Variants in SUMF1 observed in about 807,000 individuals in gnomAD.
SUMF1 encodes sulfatase modifying factor 1.
Under a neutral mutation model 47.6 loss-of-function variants are expected in SUMF1, and 48 were observed. That is an observed-to-expected ratio of 1.01 (90% CI 0.80 to 1.28). The LOEUF (loss-of-function observed/expected upper bound fraction) is 1.28, where lower values mean the gene tolerates loss of function less well. SUMF1 is among the 50% of genes most tolerant of loss of function. The probability of loss-of-function intolerance (pLI) is 0.00; values close to 1 mark genes in which losing one functional copy is unlikely to be tolerated. For missense variants in SUMF1, 571 were observed against 485.4 expected (o/e 1.18, Z -1.66); for synonymous variants, 230 against 192.1 (o/e 1.20, Z -1.63).
chr3:4,066,348 G>T (rs1199090821), intron 9 of SUMF1, among the ~76,000 whole-genome samples: 19 of 152,044 alleles, frequency 1.2e-4, no homozygotes. Flanking sequence ...AAAAAGTGAG[G>T]AGATAACTAG....
chr3:4,455,316 GA>G (rs1363303662), intron 1 of SUMF1, among the ~76,000 whole-genome samples: 3 of 152,040 alleles, frequency 2.0e-5, no homozygotes, highest in East Asian at 3.9e-4. Context: ...TGATAACCTT[GA>G]AAAAAATGAA....
intron 8 of SUMF1, among the ~76,000 whole-genome samples, chr3:4,368,479 A>T (rs1700057061): frequency 2.0e-5 from 3 of 152,106 alleles, no homozygotes; most frequent in African/African-American, 7.2e-5. Context: ...CAGCCATCCC[A>T]TTACTGGGTA....
chr3:4,289,607 C>G (rs115440513), intron 8 of SUMF1, among the ~76,000 whole-genome samples: 1 of 152,056 alleles, frequency 6.6e-6, no homozygotes, highest in African/African-American at 2.4e-5. Flanking sequence ...TACAAGGAAC[C>G]CCCTCCATAC....
At chr3:4,070,515 C>T (rs553364315) in intron 8 of SUMF1, among the ~76,000 whole-genome samples, 37 of 152,308 alleles carry the variant, frequency 2.4e-4, no homozygotes, top group African/African-American at 8.9e-4. Flanking sequence ...CAATGAAATT[C>T]ATCATATCCT....
intron 8 of SUMF1, among the ~76,000 whole-genome samples, chr3:4,151,480 T>C (rs375338756): frequency 1.3e-4 from 19 of 143,992 alleles, no homozygotes; most frequent in South Asian, 6.4e-4. Flanking sequence ...TATATGTATA[T>C]ATGTGTATAT....
chr3:4,437,907 C>G (rs1338295828), intron 3 of SUMF1, among the ~76,000 whole-genome samples: 1 of 151,870 alleles, frequency 6.6e-6, no homozygotes. Flanking sequence ...CCACTGCGCT[C>G]CAGCCTGGGC....
intron 9 of SUMF1, among the ~76,000 whole-genome samples, chr3:4,042,816 G>T (rs955932577): frequency 1.3e-5 from 2 of 151,900 alleles, no homozygotes; most frequent in South Asian, 4.1e-4. Context: ...GATGGGTTGC[G>T]GGGGAGAAAC....
chr3:4,336,515 G>A (rs1381462464), intron 8 of SUMF1, among the ~76,000 whole-genome samples: 1 of 152,142 alleles, frequency 6.6e-6, no homozygotes, highest in African/African-American at 2.4e-5. Context: ...AAAAAGTATT[G>A]GTGGCTTGAT....
At chr3:4,152,702 C>G (rs982669400) in intron 8 of SUMF1, among the ~76,000 whole-genome samples, 1 of 151,528 alleles carries the variant, frequency 6.6e-6, no homozygotes, top group Non-Finnish European at 1.5e-5. Flanking sequence ...ACTGTCTACA[C>G]TTGGCTAGAC....
In SUMF1 at chr3:4,253,691, G is replaced by A. The variant is rs866261854; in HGVS notation, c.1014+122639C>T. Among the ~76,000 whole-genome samples the A allele has an allele frequency of 1.1e-3, 173 of 150,674 alleles. 1 individual carries two copies. In the South Asian group the frequency reaches 0.015, roughly 13 times the overall value. On this transcript the variant is annotated intron_variant and NMD_transcript_variant, in intron 8 of 12. Transcript: ENST00000448413. Reference sequence around the variant, plus strand: ...GCGGCAGCGAGGCTGGGGGAGGGGCGCCCGCCATTGGCCAGGCTTGATTAG... The same window carrying A: ...GCGGCAGCGAGGCTGGGGGAGGGGCACCCGCCATTGGCCAGGCTTGATTAG...
At chr3:4,466,498 G>C (rs1279460799) in intron 1 of SUMF1, among the ~76,000 whole-genome samples, 1 of 152,146 alleles carries the variant, frequency 6.6e-6, no homozygotes. Flanking sequence ...ACTACAGTTT[G>C]CTTAGCCCTT....
chr3:4,064,086 G>A (rs963354864), intron 9 of SUMF1, among the ~76,000 whole-genome samples: 12 of 152,036 alleles, frequency 7.9e-5, no homozygotes, highest in Non-Finnish European at 1.5e-4. Flanking sequence ...TCTTGAATAG[G>A]AGCTGGGTAA....
intron 8 of SUMF1, among the ~76,000 whole-genome samples, chr3:4,166,054 G>A (rs1321027307): frequency 1.3e-5 from 2 of 152,070 alleles, no homozygotes; most frequent in East Asian, 3.9e-4. Context: ...AGACCACAAA[G>A]AGGACCAATG....
intron 7 of SUMF1, among the ~76,000 whole-genome samples, chr3:4,391,994 A>C (rs1253407641): frequency 6.6e-6 from 1 of 151,850 alleles, no homozygotes; most frequent in Non-Finnish European, 1.5e-5. Context: ...ATACCTGGCT[A>C]ATTTTTTATT....
intron 8 of SUMF1, among the ~76,000 whole-genome samples, chr3:4,292,377 G>A (rs563676795): frequency 2.0e-4 from 31 of 152,290 alleles, no homozygotes; most frequent in South Asian, 1.7e-3. Flanking sequence ...CCTTACCCAA[G>A]AACATATGGC....
intron 8 of SUMF1, among the ~76,000 whole-genome samples, chr3:4,133,132 T>C (rs187241337): frequency 6.7e-6 from 1 of 150,074 alleles, no homozygotes; most frequent in Non-Finnish European, 1.5e-5. Flanking sequence ...TTCCTTCTTC[T>C]TTTGTTAAAA....
chr3:4,219,811 AT>A (rs1696021845), intron 8 of SUMF1, among the ~76,000 whole-genome samples: 1 of 152,132 alleles, frequency 6.6e-6, no homozygotes, highest in South Asian at 2.1e-4. Context: ...GTGTTTAGGA[AT>A]TTGCATTTTT....
At chr3:4,373,488 C>T (rs1390903086) in intron 8 of SUMF1, among the ~76,000 whole-genome samples, 1 of 152,004 alleles carries the variant, frequency 6.6e-6, no homozygotes, top group Non-Finnish European at 1.5e-5. Flanking sequence ...CATACTGGCT[C>T]ACACCTGTAG....
chr3:4,314,678 C>T (rs112676114), intron 8 of SUMF1, among the ~76,000 whole-genome samples: 1,621 of 152,268 alleles, frequency 0.011, 19 homozygotes, highest in African/African-American at 0.036. Flanking sequence ...ACCCTGTCCA[C>T]ACCACAGAAG....
Sources: gnomAD v4.1 joint callset for allele counts (sites outside exome capture counted in the v4.1 genomes callset) on GRCh38, gnomAD v4.1.1 for gene constraint, MANE v1.5 for transcripts, NCBI Gene and HGNC (gene_info 2026-07-23, HGNC 2026-07-21) for gene names.